TENM4: variants seen among roughly 807,000 people sequenced by gnomAD.
The protein encoded by TENM4 is teneurin-4.
Under a neutral mutation model 243.3 loss-of-function variants are expected in TENM4, and 82 were observed. That is an observed-to-expected ratio of 0.34 (90% CI 0.28 to 0.40). The LOEUF (loss-of-function observed/expected upper bound fraction) is 0.40, where lower values mean the gene tolerates loss of function less well. Among genes scored for constraint, TENM4 ranks in the 10% least tolerant of loss-of-function variants. The probability of loss-of-function intolerance (pLI) is 1.00; values close to 1 mark genes in which losing one functional copy is unlikely to be tolerated. For missense variants in TENM4, 3,138 were observed against 3,673.3 expected (o/e 0.85, Z 3.77); for synonymous variants, 1,412 against 1,456.3 (o/e 0.97, Z 0.69).
chr11:79,020,729 G>A lies in TENM4; in HGVS notation c.493+44009C>T, dbSNP rs571817346. Among the ~76,000 whole-genome samples the A allele has an allele frequency of 2.0e-5, 3 of 152,258 alleles. No individual in the cohort carries two copies. The South Asian group carries it at 6.2e-4, about 32-fold the overall frequency. On this transcript the variant is annotated intron_variant, in intron 6 of 33. Transcript: ENST00000278550. ...CTTGTCTGAGATCAGTGATCTATGG[G>A]GAAAGGTGTTTCCTAGTTGGGCAAA...
chr11:79,427,359 T>A (rs10793380), intron 1 of TENM4, among the ~76,000 whole-genome samples: 72,084 of 152,066 alleles, frequency 0.47, 17,213 homozygotes, highest in East Asian at 0.53. Context: ...AGAAATGGAA[T>A]ACAACAATAG....
intron 1 of TENM4, among the ~76,000 whole-genome samples, chr11:79,393,333 G>A (rs1858274740): frequency 8.1e-6 from 1 of 123,546 alleles, no homozygotes; most frequent in Non-Finnish European, 1.9e-5. Flanking sequence ...TCAGCTCGTT[G>A]GGCAAGTTCC....
At chr11:78,726,654 G>A (rs1490946956) in intron 22 of TENM4, among the ~76,000 whole-genome samples, 2 of 152,124 alleles carry the variant, frequency 1.3e-5, no homozygotes, top group Non-Finnish European at 2.9e-5. Context: ...TCTTGGTGCT[G>A]TTCTCATCAT....
intron 4 of TENM4, among the ~76,000 whole-genome samples, chr11:79,074,591 G>A (rs887616734): frequency 5.9e-5 from 9 of 152,258 alleles, no homozygotes; most frequent in Non-Finnish European, 8.8e-5. Flanking sequence ...CCTGTCTCTC[G>A]CAGACTCATA....
intron 3 of TENM4, among the ~76,000 whole-genome samples, chr11:79,159,228 C>T (rs1862690790): frequency 6.6e-6 from 1 of 152,096 alleles, no homozygotes; most frequent in Non-Finnish European, 1.5e-5. Context: ...GGGTTCTTTG[C>T]TGTTATATCT....
Position 79,058,603 on chromosome 11 carries a change from C to T in TENM4, c.493+6135G>A, listed in dbSNP as rs531093053. ...CTGTAGTAGGATGGATCTGGATTCA[C>T]ACCCTGGCTCTGACATTTACTAGCT... On this transcript the variant is annotated intron_variant, in intron 6 of 33. Transcript: ENST00000278550. Among the ~76,000 whole-genome samples, 4 of 152,128 alleles carry T rather than the reference C, an allele frequency of 2.6e-5. No individual in the cohort carries two copies. In the South Asian group the frequency reaches 8.3e-4, roughly 32 times the overall value.
chr11:78,785,055 G>T (rs12800759), intron 16 of TENM4, among the ~76,000 whole-genome samples: 5,680 of 80,176 alleles, frequency 0.071, 205 homozygotes, highest in African/African-American at 0.1. Context: ...TTCTGTTTTT[G>T]TTTTTTTTTT....
chr11:78,969,577 T>G (rs1483755198), intron 6 of TENM4, among the ~76,000 whole-genome samples: 2 of 152,250 alleles, frequency 1.3e-5, no homozygotes, highest in African/African-American at 2.4e-5. Flanking sequence ...TTTAACACTT[T>G]GCTCAGCAGT....
At chr11:79,370,792 AAAAAAAAAAAAAAAAAAG>A (rs1857768328) in intron 1 of TENM4, among the ~76,000 whole-genome samples, 1 of 136,512 alleles carries the variant, frequency 7.3e-6, no homozygotes, top group Non-Finnish European at 1.5e-5. Flanking sequence ...AAAAAAAAAA[AAAAAAAAAAAAAAAAAAG>A]TGATAAATTT....
intron 2 of TENM4, among the ~76,000 whole-genome samples, chr11:79,281,957 T>C (rs1476159455): frequency 6.6e-6 from 1 of 152,214 alleles, no homozygotes; most frequent in East Asian, 1.9e-4. Flanking sequence ...CTGGTTCTGC[T>C]TGGGCCTGGA....
At chr11:79,179,372 C>T (rs1224723575) in intron 3 of TENM4, among the ~76,000 whole-genome samples, 1 of 152,190 alleles carries the variant, frequency 6.6e-6, no homozygotes, top group Non-Finnish European at 1.5e-5. Flanking sequence ...CTGTCTATAT[C>T]TGCTTTCATA....
chr11:78,825,130 C>T (rs550526620), intron 12 of TENM4, among the ~76,000 whole-genome samples: 2 of 152,290 alleles, frequency 1.3e-5, no homozygotes, highest in South Asian at 4.2e-4. Flanking sequence ...AAAGCATAGT[C>T]CTTATTCTCG....
At chr11:79,278,919 A>G (rs997798898) in intron 2 of TENM4, among the ~76,000 whole-genome samples, 7 of 152,170 alleles carry the variant, frequency 4.6e-5, no homozygotes, top group African/African-American at 1.7e-4. Context: ...CCTAAAGGGA[A>G]ATCTCACAGG....
At chr11:79,205,385 T>C (rs917181011) in intron 3 of TENM4, among the ~76,000 whole-genome samples, 7 of 152,208 alleles carry the variant, frequency 4.6e-5, no homozygotes, top group Non-Finnish European at 1.0e-4. Context: ...ACCACTCGCA[T>C]AGGTTTGTGT....
chr11:79,141,897 T>C (rs1386540977), intron 4 of TENM4, among the ~76,000 whole-genome samples: 1 of 152,110 alleles, frequency 6.6e-6, no homozygotes, highest in South Asian at 2.1e-4. Context: ...ATGAAAATCA[T>C]ATAATCATTT....
chr11:78,771,363 C>A (rs191081894), intron 17 of TENM4, among the ~76,000 whole-genome samples: 1 of 152,122 alleles, frequency 6.6e-6, no homozygotes, highest in Non-Finnish European at 1.5e-5. Context: ...CAGTCAGAAG[C>A]GGCAGGGACA....
chr11:78,888,988 T>C (rs1855604889), intron 9 of TENM4, among the ~76,000 whole-genome samples: 2 of 152,218 alleles, frequency 1.3e-5, no homozygotes, highest in Admixed American at 1.3e-4. Flanking sequence ...ATTAATATCT[T>C]TCCTGGGAAA....
intron 6 of TENM4, among the ~76,000 whole-genome samples, chr11:78,993,298 A>G (rs949371212): frequency 6.6e-6 from 1 of 152,254 alleles, no homozygotes; most frequent in East Asian, 1.9e-4. Flanking sequence ...AGGGGAATTT[A>G]TGTCTTTTTC....
rs1458221041 is a variant in TENM4, at chr11:78,875,602, G to A, written c.1085-12470C>T. 2.0e-5 allele frequency among the ~76,000 whole-genome samples: 3 copies of A among 152,208 alleles called. No individual in the cohort carries two copies. In the East Asian group the frequency reaches 5.8e-4, roughly 29 times the overall value. ...CCCCCCAGCATATGGGAAGGGTAGA[G>A]GCCAATGAGGAGAGGATGGGCTCTG... On this transcript the variant is annotated intron_variant, in intron 9 of 33. Transcript: ENST00000278550.
Sources: allele counts gnomAD v4.1 joint callset (sites outside exome capture counted in the v4.1 genomes callset), GRCh38; gene constraint gnomAD v4.1.1; transcripts MANE v1.5; gene names NCBI Gene and HGNC (gene_info 2026-07-23, HGNC 2026-07-21).